The following SCFD2 variants were observed in gnomAD, a reference collection of about 807,000 sequenced individuals.
SCFD2 encodes sec1 family domain containing 2, also known as sec1 family domain-containing protein 2.
Under a neutral mutation model 58.9 loss-of-function variants are expected in SCFD2, and 54 were observed. The observed-to-expected ratio is 0.92, with a 90% CI of 0.74 to 1.15. The LOEUF is 1.15. Ranked by LOEUF, SCFD2 falls within the 50% of genes most tolerant of loss-of-function variation. The probability of loss-of-function intolerance (pLI) is 0.00; values close to 1 mark genes in which losing one functional copy is unlikely to be tolerated. For synonymous variants in SCFD2, 321 were observed against 335.9 expected, an observed-to-expected ratio of 0.96 and a Z score of 0.49; for missense variants, 805 against 836.6, an observed-to-expected ratio of 0.96 and a Z score of 0.47.
intron 5 of SCFD2, among the ~76,000 whole-genome samples, chr4:52,938,162 G>A (rs1253442521): frequency 6.6e-6 from 1 of 152,212 alleles, no homozygotes; most frequent in African/African-American, 2.4e-5. Flanking sequence ...TATGTGCCAA[G>A]TACTGTTCTA....
intron 5 of SCFD2, among the ~76,000 whole-genome samples, chr4:53,049,783 C>T (rs1245247222): frequency 6.6e-6 from 1 of 152,080 alleles, no homozygotes; most frequent in Non-Finnish European, 1.5e-5. Context: ...ATAATGACTA[C>T]CTTATGTCAG....
chr4:53,031,363 C>A (rs1303205960), intron 5 of SCFD2, among the ~76,000 whole-genome samples: 1 of 152,146 alleles, frequency 6.6e-6, no homozygotes, highest in African/African-American at 2.4e-5. Flanking sequence ...CTCTAAAAGG[C>A]CTCTTCTCCT....
At chr4:53,208,421 C>T (rs562399141) in intron 4 of SCFD2, among the ~76,000 whole-genome samples, 1 of 152,298 alleles carries the variant, frequency 6.6e-6, no homozygotes, top group South Asian at 2.1e-4. Flanking sequence ...ATGTCACAAA[C>T]ACTTTCCTGC....
At chr4:53,237,617 G>A (rs1395204094) in intron 4 of SCFD2, among the ~76,000 whole-genome samples, 1 of 115,514 alleles carries the variant, frequency 8.7e-6, no homozygotes, top group Non-Finnish European at 1.9e-5. Flanking sequence ...CTCACCTCCC[G>A]GACGGGGCGG....
chr4:53,094,083 G>A (rs1334796185), intron 5 of SCFD2, among the ~76,000 whole-genome samples: 1 of 152,006 alleles, frequency 6.6e-6, no homozygotes, highest in Non-Finnish European at 1.5e-5. Flanking sequence ...CATTAGTAGG[G>A]GTATAACATT....
At chr4:53,286,541 G>C (rs1731674378) in intron 3 of SCFD2, among the ~76,000 whole-genome samples, 1 of 152,064 alleles carries the variant, frequency 6.6e-6, no homozygotes, top group Non-Finnish European at 1.5e-5. Context: ...CTGCACAGCA[G>C]AGCAGCTATA....
chr4:53,176,704 C>T (rs1318185752), intron 4 of SCFD2, among the ~76,000 whole-genome samples: 8 of 152,178 alleles, frequency 5.3e-5, no homozygotes, highest in Non-Finnish European at 1.2e-4. Context: ...AATCCCAGCA[C>T]TTTGGGAGTC....
At chr4:53,167,226 G>A (rs1473234404) in intron 4 of SCFD2, among the ~76,000 whole-genome samples, 4 of 152,104 alleles carry the variant, frequency 2.6e-5, no homozygotes, top group East Asian at 1.9e-4. Context: ...TCCCTACTGC[G>A]TATACCCAGA....
In SCFD2 at chr4:53,202,901, G is replaced by A. The variant is rs538383750; in HGVS notation, c.1312-57319C>T. Reference sequence around the variant, plus strand: ...TGTATCCTGAGACTTTGCTGAAGTTGCCTATCAGCTGAAGGAGATTTTGGG... The same window carrying A: ...TGTATCCTGAGACTTTGCTGAAGTTACCTATCAGCTGAAGGAGATTTTGGG... On this transcript the variant is annotated intron_variant, in intron 4 of 8. Transcript: ENST00000401642. Among the ~76,000 whole-genome samples the A allele has an allele frequency of 1.4e-4, 21 of 152,190 alleles. 1 individual carries two copies. Among genetic ancestry groups the A allele is most frequent in the Non-Finnish European group, 2.5e-4 (17 of 68,044 alleles).
intron 4 of SCFD2, among the ~76,000 whole-genome samples, chr4:53,256,422 C>T (rs1399594780): frequency 1.3e-5 from 2 of 151,792 alleles, no homozygotes; most frequent in East Asian, 3.9e-4. Flanking sequence ...AGGGGCTCCT[C>T]ACATCCCAGA....
At chr4:53,122,375 TAA>T (rs1334103786) in intron 5 of SCFD2, among the ~76,000 whole-genome samples, 7 of 140,898 alleles carry the variant, frequency 5.0e-5, no homozygotes, top group Admixed American at 1.4e-4. Context: ...AGACTCCGTC[TAA>T]AAAAAAAAAA....
chr4:52,987,535 T>C (rs1721524640), intron 5 of SCFD2, among the ~76,000 whole-genome samples: 1 of 152,172 alleles, frequency 6.6e-6, no homozygotes, highest in African/African-American at 2.4e-5. Flanking sequence ...TACAGACTCC[T>C]CTGGAGTGTC....
At chr4:53,000,327 T>C (rs1721835644) in intron 5 of SCFD2, among the ~76,000 whole-genome samples, 1 of 152,086 alleles carries the variant, frequency 6.6e-6, no homozygotes, top group Non-Finnish European at 1.5e-5. Flanking sequence ...AATCAAAAGA[T>C]TTCACATACA....
At chr4:53,151,273 A>C (rs747596914) in intron 4 of SCFD2, among the ~76,000 whole-genome samples, 1 of 152,236 alleles carries the variant, frequency 6.6e-6, no homozygotes, top group Non-Finnish European at 1.5e-5. Flanking sequence ...AGACCAAAAG[A>C]AAAAAGGTTT....
rs369944739 is a variant in SCFD2 at position 52,986,491 on chromosome 4, A to ATTTTT, written c.1562-65626_1562-65622dup. On this transcript the variant is annotated intron_variant, in intron 5 of 8. Coordinates refer to ENST00000401642, the MANE Select transcript of SCFD2 (RefSeq NM_152540.4). ...ATCTCAAGCTTAGGATCTTCATGAAATTTTTTTTTTTTTTTTTTTTTTTTT... is the reference window on the plus strand; with the variant it reads ...ATCTCAAGCTTAGGATCTTCATGAAATTTTTTTTTTTTTTTTTTTTTTTTTTTTTT... 2.2e-3 allele frequency among the ~76,000 whole-genome samples: 190 copies of ATTTTT among 84,940 alleles called. 8 individuals carry two copies. Among genetic ancestry groups the ATTTTT allele is most frequent in the African/African-American group, 6.9e-3 (148 of 21,310 alleles). 55.7% of individuals were successfully genotyped at this position (84,940 alleles called of 152,430 possible). A position where few individuals can be genotyped will look rare whatever the true frequency, so the allele number is the denominator to read the frequency against.
At chr4:53,206,439 C>A (rs184652828) in intron 4 of SCFD2, among the ~76,000 whole-genome samples, 1 of 152,160 alleles carries the variant, frequency 6.6e-6, no homozygotes, top group Non-Finnish European at 1.5e-5. Flanking sequence ...ATGTACAAAG[C>A]TTAAAATGCT....
chr4:53,349,348 A>T (rs1332920960), intron 2 of SCFD2, among the ~76,000 whole-genome samples: 1 of 152,202 alleles, frequency 6.6e-6, no homozygotes. Context: ...CCCATACAAC[A>T]TGACGTCCAA....
intron 4 of SCFD2, among the ~76,000 whole-genome samples, chr4:53,270,262 A>T (rs561804754): frequency 6.6e-6 from 1 of 152,288 alleles, no homozygotes; most frequent in East Asian, 1.9e-4. Context: ...AGGGAGAAAA[A>T]CTCATCATTT....
At chr4:53,230,386 T>A (rs945504090) in intron 4 of SCFD2, among the ~76,000 whole-genome samples, 1 of 152,062 alleles carries the variant, frequency 6.6e-6, no homozygotes, top group Non-Finnish European at 1.5e-5. Context: ...TGTCCAACAA[T>A]GATAGACTGG....
Sources: gnomAD v4.1 joint callset for allele counts (sites outside exome capture counted in the v4.1 genomes callset) on GRCh38, gnomAD v4.1.1 for gene constraint, MANE v1.5 for transcripts, NCBI Gene and HGNC (gene_info 2026-07-23, HGNC 2026-07-21) for gene names.